The following TMX3 variants were observed in gnomAD, a reference collection of about 807,000 sequenced individuals.
The protein encoded by TMX3 is thioredoxin related transmembrane protein 3, also known as protein disulfide-isomerase TMX3.
Under a neutral mutation model 64.4 loss-of-function variants are expected in TMX3, and 40 were observed. The observed-to-expected ratio is 0.62, with a 90% CI of 0.48 to 0.81. The LOEUF is 0.81. Ranked by LOEUF, TMX3 falls within the 30% of genes least tolerant of loss-of-function variation. The pLI is 0.00. For missense variants in TMX3, 497 were observed against 534.5 expected, an observed-to-expected ratio of 0.93 and a Z score of 0.69; for synonymous variants, 189 against 175.7, an observed-to-expected ratio of 1.08 and a Z score of -0.60.
intron 15 of TMX3, among the ~76,000 whole-genome samples, chr18:68,677,409 C>T (rs983267917): frequency 3.3e-5 from 5 of 152,016 alleles, no homozygotes; most frequent in Non-Finnish European, 7.4e-5. Context: ...TGTGCAGAAC[C>T]AGCTATTAGC....
intron 5 of TMX3, 55 bp downstream of exon 5, chr18:68,701,690 G>C (rs750263221): frequency 2.5e-6 from 4 of 1,607,376 alleles, no homozygotes; most frequent in Non-Finnish European, 3.4e-6. Flanking sequence ...GTAATAAAAT[G>C]TAAGTAGAGT....
At chr18:68,697,200 C>A in intron 8 of TMX3, 26 bp downstream of exon 8, 2 of 1,207,698 alleles carry the variant, frequency 1.7e-6, no homozygotes, top group South Asian at 2.9e-5. Flanking sequence ...AAAATTGTGT[C>A]GTTAAAATCA....
chr18:68,677,831 A>G, intron 15 of TMX3, among the ~76,000 whole-genome samples: 1 of 152,144 alleles, frequency 6.6e-6, no homozygotes, highest in East Asian at 1.9e-4. Flanking sequence ...TTGGATTGAG[A>G]TAATAAAAGA....
intron 8 of TMX3, among the ~76,000 whole-genome samples, chr18:68,693,067 A>G (rs1223308628): frequency 3.3e-5 from 5 of 152,238 alleles, no homozygotes; most frequent in South Asian, 2.1e-4. Flanking sequence ...ACAAAAATGT[A>G]TAAGAAGTTC....
chr18:68,701,942 GA>G (rs1417557245), intron 4 of TMX3, 152 bp from the exon 5 acceptor site: 4 of 565,044 alleles, frequency 7.1e-6, no homozygotes, highest in South Asian at 2.7e-5. Context: ...TCACACAAAA[GA>G]AAAAAACATG....
chr18:68,678,550 T>C (rs570562884), intron 15 of TMX3, among the ~76,000 whole-genome samples: 1 of 151,938 alleles, frequency 6.6e-6, no homozygotes, highest in South Asian at 2.1e-4. Context: ...GAAAGGAGAA[T>C]GTCAAGGAAA....
chr18:68,701,466 A>G, intron 5 of TMX3: 1 of 455,544 alleles, frequency 2.2e-6, no homozygotes, highest in Admixed American at 3.9e-5. Flanking sequence ...CCTCAAGGGT[A>G]AAAGACCTTT....
intron 9 of TMX3, 58 bp downstream of exon 9, chr18:68,691,237 G>T (rs764117573): frequency 1.6e-6 from 2 of 1,221,354 alleles, no homozygotes; most frequent in South Asian, 2.9e-5. Flanking sequence ...CACCTAAGTT[G>T]TATAACAGAC....
At chr18:68,690,656 A>T (rs1274066163) in intron 9 of TMX3, among the ~76,000 whole-genome samples, 2 of 152,254 alleles carry the variant, frequency 1.3e-5, no homozygotes, top group East Asian at 3.8e-4. Context: ...ATGAAATGCC[A>T]TTACAATTTG....
chr18:68,680,094 G>A (rs528256790), intron 14 of TMX3, among the ~76,000 whole-genome samples: 14 of 152,212 alleles, frequency 9.2e-5, no homozygotes, highest in Admixed American at 3.9e-4. Flanking sequence ...ATTTATATAG[G>A]TGAGAGTTTC....
chr18:68,683,257 A>G (rs1913619799), intron 12 of TMX3, among the ~76,000 whole-genome samples: 2 of 152,146 alleles, frequency 1.3e-5, no homozygotes, highest in South Asian at 2.1e-4. Flanking sequence ...ATTCAGGGAA[A>G]TATCAGCTAT....
rs759799503 is a variant in TMX3 at position 68,677,093 on chromosome 18, T to C, written c.1205A>G (p.Asp402Gly). 1 of 1,613,734 alleles carries C rather than the reference T, an allele frequency of 6.2e-7. No homozygotes were observed. Among genetic ancestry groups the C allele is most frequent in the Non-Finnish European group, 8.5e-7 (1 of 1,179,804 alleles). The change falls in exon 16 of 16, where the codon GAT (aspartate) becomes GGT (glycine). Residue 402 changes from aspartate (D) to glycine (G), a missense_variant. Coordinates refer to ENST00000299608, the MANE Select transcript of TMX3 (RefSeq NM_019022.5). ...MCYGIYTADT[D>G]GGYIEERYEV... ...ATATCGTTCTTCTATATAACCTCCA[T>C]CTGTGTCGGCTGTGTAGATTCCATA...
chr18:68,711,891 A>T (rs1360662636), intron 2 of TMX3, among the ~76,000 whole-genome samples: 1 of 152,160 alleles, frequency 6.6e-6, no homozygotes. Context: ...CTGTGCTGGG[A>T]TCCCAGATCA....
At chr18:68,681,560 A>G in intron 13 of TMX3, 1 of 984,994 alleles carries the variant, frequency 1.0e-6, no homozygotes, top group East Asian at 1.1e-4. Context: ...AATGAGAGGG[A>G]TAATAAATGA....
chr18:68,683,754 C>T (rs1260975879), intron 12 of TMX3, among the ~76,000 whole-genome samples: 3 of 152,092 alleles, frequency 2.0e-5, no homozygotes, highest in Admixed American at 1.3e-4. Flanking sequence ...ATACAGTAGT[C>T]CCCCCTTATC....
intron 9 of TMX3, among the ~76,000 whole-genome samples, chr18:68,690,268 C>T (rs569638791): frequency 2.0e-5 from 3 of 152,148 alleles, no homozygotes; most frequent in African/African-American, 7.2e-5. Context: ...AACATGGTAA[C>T]CACAAGCCAC....
At chr18:68,703,852 C>G (rs1349105228) in intron 4 of TMX3, among the ~76,000 whole-genome samples, 1 of 152,038 alleles carries the variant, frequency 6.6e-6, no homozygotes, top group Non-Finnish European at 1.5e-5. Flanking sequence ...ATGGTGTGAA[C>G]CTGGGAGGCG....
rs1487410184 is a variant in TMX3, at chr18:68,682,958, T to C, written c.872A>G (p.Asp291Gly). The stretch of plus-strand genomic sequence containing the variant: ...CAAGGTATTTATGTAGTCATTTCCA[T>C]CCATGTGGCCAAACTGAAAATCCCT... Reference protein sequence around the residue: ...FHRDFQFGHMDGNDYINTLLM... With the variant: ...FHRDFQFGHMGGNDYINTLLM... The change falls in exon 13 of 16, where the codon GAT becomes GGT. Residue 291 changes from aspartate (D) to glycine (G), a missense_variant. Around this residue, in one of 3 missense-constraint regions of TMX3, gnomAD observed 360 missense variants for 383.5 expected, o/e 0.94. Coordinates refer to ENST00000299608, the MANE Select transcript of TMX3 (RefSeq NM_019022.5). 1 of 1,610,444 alleles carries C rather than the reference T, an allele frequency of 6.2e-7. No homozygotes were observed. Among genetic ancestry groups the C allele is most frequent in the African/African-American group, 1.3e-5 (1 of 74,814 alleles).
At chr18:68,677,953 T>G (rs1291911514) in intron 15 of TMX3, among the ~76,000 whole-genome samples, 1 of 152,088 alleles carries the variant, frequency 6.6e-6, no homozygotes, top group African/African-American at 2.4e-5. Context: ...AAAGCTAATA[T>G]TCAAAAACCA....
Sources: allele counts gnomAD v4.1 joint callset (sites outside exome capture counted in the v4.1 genomes callset), GRCh38; gene constraint gnomAD v4.1.1; regional missense constraint gnomAD v4.1.1; transcripts MANE v1.5; gene names NCBI Gene and HGNC (gene_info 2026-07-23, HGNC 2026-07-21).